The following RAB3C variants were observed in gnomAD, a reference collection of about 807,000 sequenced individuals.
The protein encoded by RAB3C is RAB3C, member RAS oncogene family.
In RAB3C, 17 loss-of-function variants were observed where a neutral mutation model predicts 26.4. The ratio of observed to expected loss-of-function variants is 0.64; its 90% confidence interval spans 0.44 to 0.97. The LOEUF is 0.97. RAB3C is among the 50% of genes least tolerant of loss of function. The pLI, the probability that RAB3C is intolerant of heterozygous loss-of-function variation, is 0.00. For missense variants in RAB3C, 242 were observed against 281.9 expected (o/e 0.86, Z 1.01); for synonymous variants, 91 against 95.9 (o/e 0.95, Z 0.30).
chr5:58,781,805 G>C (rs972448998), intron 3 of RAB3C, among the ~76,000 whole-genome samples: 2 of 151,894 alleles, frequency 1.3e-5, no homozygotes, highest in African/African-American at 4.8e-5. Context: ...ATCCCACCCT[G>C]AACCAAACCA....
At chr5:58,773,656 C>T (rs967316176) in intron 3 of RAB3C, among the ~76,000 whole-genome samples, 2 of 152,062 alleles carry the variant, frequency 1.3e-5, no homozygotes, top group Non-Finnish European at 2.9e-5. Context: ...GATTCAAGAG[C>T]TCTGGGGGAA....
chr5:58,818,459 T>G (rs1743265620), intron 3 of RAB3C, among the ~76,000 whole-genome samples: 1 of 152,246 alleles, frequency 6.6e-6, no homozygotes, highest in Non-Finnish European at 1.5e-5. Context: ...TCTTTCTTTT[T>G]TACGTTTATA....
chr5:58,854,832 C>T lies in RAB3C; in HGVS notation c.*3481C>T, dbSNP rs1744224096. 1.0e-5 allele frequency: 1 copy of T among 97,554 alleles called. No individual in the cohort carries two copies. The highest frequency in any genetic ancestry group is 3.7e-5 in the African/African-American group (1 of 27,346). The allele number at this position is 97,554 out of a possible 1,614,324, so 6.0% of individuals were successfully genotyped here. A position where few individuals can be genotyped will look rare whatever the true frequency, so the allele number is the denominator to read the frequency against. ...ACCCAAATTATACAAGACATCAAAA[C>T]ACTCAGTAAACAAATATATATATTT... On this transcript the variant is annotated 3_prime_UTR_variant, in exon 5 of 5. Transcript: ENST00000282878.
chr5:58,608,964 C>G (rs1213941125), intron 1 of RAB3C, among the ~76,000 whole-genome samples: 1 of 152,138 alleles, frequency 6.6e-6, no homozygotes, highest in African/African-American at 2.4e-5. Context: ...ACAGCATGTT[C>G]TCACTCTTAG....
intron 2 of RAB3C, among the ~76,000 whole-genome samples, chr5:58,669,939 G>A (rs1274784459): frequency 6.6e-6 from 1 of 152,134 alleles, no homozygotes; most frequent in Non-Finnish European, 1.5e-5. Flanking sequence ...GTTTAATCTT[G>A]TTTCGCTCTC....
chr5:58,605,233 G>T (rs994721656), intron 1 of RAB3C, among the ~76,000 whole-genome samples: 1 of 152,054 alleles, frequency 6.6e-6, no homozygotes. Flanking sequence ...CAGAATTGCT[G>T]TTTTTTTCTT....
chr5:58,736,444 C>T lies in RAB3C; in HGVS notation c.371+10324C>T, dbSNP rs567458551. Among the ~76,000 whole-genome samples the T allele has an allele frequency of 1.4e-4, 21 of 152,312 alleles. No individual in the cohort carries two copies. The South Asian group carries it at 1.7e-3, about 12-fold the overall frequency. Reference sequence around the variant, plus strand: ...ATATGTCCATACAGCTCCCATAAAACGAATTCCTCCTAAGGCACTGCTGTC... The same window carrying T: ...ATATGTCCATACAGCTCCCATAAAATGAATTCCTCCTAAGGCACTGCTGTC... On this transcript the variant is annotated intron_variant, in intron 3 of 4. Transcript: ENST00000282878.
At chr5:58,627,471 T>A (rs1301066822) in intron 2 of RAB3C, among the ~76,000 whole-genome samples, 1 of 68,444 alleles carries the variant, frequency 1.5e-5, no homozygotes, top group Non-Finnish European at 3.2e-5. Flanking sequence ...GACTCCGTCT[T>A]AAAAAAAAAA....
intron 1 of RAB3C, among the ~76,000 whole-genome samples, chr5:58,604,358 G>A (rs1746517520): frequency 6.6e-6 from 1 of 152,200 alleles, no homozygotes; most frequent in Non-Finnish European, 1.5e-5. Context: ...GGTAGGCGGG[G>A]CCTTAGACCT....
chr5:58,745,633 G>A (rs565776071), intron 3 of RAB3C, among the ~76,000 whole-genome samples: 2 of 152,130 alleles, frequency 1.3e-5, no homozygotes, highest in South Asian at 2.1e-4. Flanking sequence ...AAGTCCTGGC[G>A]GAGGCCAGCC....
intron 3 of RAB3C, among the ~76,000 whole-genome samples, chr5:58,772,370 A>G (rs548690714): frequency 2.6e-5 from 4 of 152,270 alleles, no homozygotes; most frequent in East Asian, 3.9e-4. Context: ...CATTTGTGAG[A>G]TTATTGTTCT....
chr5:58,613,723 T>TAA (rs1746766105), intron 1 of RAB3C, among the ~76,000 whole-genome samples: 2 of 152,120 alleles, frequency 1.3e-5, no homozygotes, highest in African/African-American at 4.8e-5. Flanking sequence ...ACTAAGTAGG[T>TAA]AAATATCTAG....
chr5:58,833,054 G>T (rs1516431), intron 4 of RAB3C, among the ~76,000 whole-genome samples: 91,778 of 151,696 alleles, frequency 0.61, 27,984 homozygotes, highest in Middle Eastern at 0.74. Context: ...TGTTTTATAA[G>T]GTACTACTGG....
At chr5:58,649,849 G>T (rs379849) in intron 2 of RAB3C, among the ~76,000 whole-genome samples, 21,988 of 152,190 alleles carry the variant, frequency 0.14, 1,959 homozygotes, top group Middle Eastern at 0.24. Flanking sequence ...TTAATGGTCT[G>T]CCCATCACAG....
At chr5:58,810,411 G>A (rs923007934) in intron 3 of RAB3C, among the ~76,000 whole-genome samples, 1 of 150,830 alleles carries the variant, frequency 6.6e-6, no homozygotes, top group Admixed American at 6.6e-5. Context: ...GTGTGTGTGT[G>A]TGTGTTTTCT....
chr5:58,776,895 A>G (rs912478141), intron 3 of RAB3C, among the ~76,000 whole-genome samples: 6 of 152,182 alleles, frequency 3.9e-5, no homozygotes, highest in Non-Finnish European at 8.8e-5. Context: ...AGCAGTATGT[A>G]TATAACTTCT....
In RAB3C at chr5:58,857,205, T is replaced by C. The variant is rs1044525789; in HGVS notation, c.*5854T>C. The C allele has an allele frequency of 3.9e-5, 6 of 152,200 alleles. No individual in the cohort carries two copies. The highest frequency in any genetic ancestry group is 1.4e-4 in the African/African-American group (6 of 41,460). The allele number at this position is 152,200 out of a possible 1,614,324, so 9.4% of individuals were successfully genotyped here. On this transcript the variant is annotated 3_prime_UTR_variant, in exon 5 of 5. Coordinates refer to ENST00000282878, the MANE Select transcript of RAB3C (RefSeq NM_138453.4). Reference sequence around the variant, plus strand: ...TGTGTGACTTATTCAAATGATTTTCTTGTAGCTGTATTTGTCTAGTGGTGC... The same window carrying C: ...TGTGTGACTTATTCAAATGATTTTCCTGTAGCTGTATTTGTCTAGTGGTGC...
intron 2 of RAB3C, among the ~76,000 whole-genome samples, chr5:58,689,760 G>A (rs16888434): frequency 0.023 from 3,549 of 152,120 alleles, 152 homozygotes; most frequent in African/African-American, 0.081. Flanking sequence ...TGTTCAGGCC[G>A]TTATTCCTGA....
At chr5:58,629,828 C>T (rs1264899827) in intron 2 of RAB3C, among the ~76,000 whole-genome samples, 5 of 152,188 alleles carry the variant, frequency 3.3e-5, no homozygotes, top group Non-Finnish European at 7.3e-5. Context: ...TAATCAAGTC[C>T]TGGACCTTTT....
Sources: allele counts gnomAD v4.1 joint callset (sites outside exome capture counted in the v4.1 genomes callset), GRCh38; gene constraint gnomAD v4.1.1; transcripts MANE v1.5; gene names NCBI Gene and HGNC (gene_info 2026-07-23, HGNC 2026-07-21).